EPN1: variants seen among roughly 807,000 people sequenced by gnomAD.
The protein encoded by EPN1 is epsin-1.
EPN1 carries 25 observed loss-of-function variants against 56.9 expected under a neutral mutation model. That is an observed-to-expected ratio of 0.44 (90% CI 0.32 to 0.61). The LOEUF is 0.61. EPN1 is among the 20% of genes least tolerant of loss of function. The pLI, the probability that EPN1 is intolerant of heterozygous loss-of-function variation, is 0.05. For missense variants in EPN1, 785 were observed against 823.7 expected (o/e 0.95, Z 0.58); for synonymous variants, 411 against 361.8 (o/e 1.14, Z -1.54).
rs1379023154 is a variant in EPN1, at chr19:55,695,451, A to AC, written c.*100dup. 3 of 672,336 alleles carry AC rather than the reference A, an allele frequency of 4.5e-6. No homozygotes were observed. Among genetic ancestry groups the AC allele is most frequent in the Admixed American group, 2.7e-5 (1 of 36,414 alleles). 41.6% of individuals were successfully genotyped at this position (672,336 alleles called of 1,614,324 possible). A position where few individuals can be genotyped will look rare whatever the true frequency, so the allele number is the denominator to read the frequency against. On this transcript the variant is annotated 3_prime_UTR_variant, in exon 11 of 11. Transcript: ENST00000270460. The surrounding 1 kb of genome is among the most constrained non-coding windows in gnomAD (Gnocchi z 4.4). ...AGTGCATGTGAAATGGGGGATCCCC[A>AC]CCCCCAGTGCCCTTCCCCTTCCTGG...
chr19:55,682,210 G>T (rs537462341), intron 2 of EPN1, among the ~76,000 whole-genome samples: 3 of 152,346 alleles, frequency 2.0e-5, no homozygotes, highest in South Asian at 4.1e-4. Context: ...GGACACCTGT[G>T]TAGCCTTCAC....
At chr19:55,687,067 T>C (rs866425225) in intron 3 of EPN1, among the ~76,000 whole-genome samples, 17 of 152,196 alleles carry the variant, frequency 1.1e-4, no homozygotes, top group African/African-American at 4.1e-4. Flanking sequence ...TCTCCGAAAT[T>C]TGAATTTTAT....
At chr19:55,688,143 C>G (rs1986288709) in intron 3 of EPN1, among the ~76,000 whole-genome samples, 1 of 152,146 alleles carries the variant, frequency 6.6e-6, no homozygotes, top group African/African-American at 2.4e-5. Flanking sequence ...GGCCTAGGGC[C>G]TGGTTGGAGC....
At position 55,702,944 on chromosome 19, in the gene EPN1, A is replaced by C. The variant is rs141554573; in HGVS notation, c.*7588A>C. On this transcript the variant is annotated 3_prime_UTR_variant, in exon 11 of 11. Transcript: ENST00000270460. ...CGAGTAGCTGGGACTACAGGCGCCC[A>C]CCACCACGCCCGGCTAAGCTAATTT... 1 of 151,466 alleles carries C rather than the reference A, an allele frequency of 6.6e-6. No homozygotes were observed. Among genetic ancestry groups the C allele is most frequent in the Non-Finnish European group, 1.5e-5 (1 of 67,912 alleles). 9.4% of individuals were successfully genotyped at this position (151,466 alleles called of 1,614,324 possible).
intron 3 of EPN1, among the ~76,000 whole-genome samples, chr19:55,686,155 C>A (rs1198113074): frequency 6.6e-6 from 1 of 152,196 alleles, no homozygotes; most frequent in Non-Finnish European, 1.5e-5. Flanking sequence ...AGGACTCAGT[C>A]TGGTGGGTGG....
intron 3 of EPN1, among the ~76,000 whole-genome samples, chr19:55,686,724 C>T (rs1005519187): frequency 1.3e-5 from 2 of 151,908 alleles, no homozygotes; most frequent in Non-Finnish European, 2.9e-5. Context: ...GGGAAGGAAG[C>T]CGGTGTGGCG....
Position 55,695,118 on chromosome 19 carries a change from C to CTCCG in EPN1, c.1523-28_1523-25dup, listed in dbSNP as rs1986835489. 9.3e-6 allele frequency: 15 copies of CTCCG among 1,613,104 alleles called. No homozygotes were observed. The highest frequency in any genetic ancestry group is 1.1e-5 in the Non-Finnish European group (13 of 1,179,466). On this transcript the variant is annotated intron_variant, in intron 10 of 10. Coordinates refer to ENST00000270460, the MANE Select transcript of EPN1 (RefSeq NM_001130072.2). This position sits in a 1 kb window ranked among gnomAD's most constrained non-coding sequence, Gnocchi z 4.4. Reference sequence around the variant, plus strand: ...CAGGTGGGCTGCGCCACTGACTCCACTCCGTGTCTCTGGTTTACTCTTCCT... The same window carrying CTCCG: ...CAGGTGGGCTGCGCCACTGACTCCACTCCGTCCGTGTCTCTGGTTTACTCTTCCT...
intron 2 of EPN1, among the ~76,000 whole-genome samples, chr19:55,683,421 G>A (rs1476061659): frequency 1.3e-5 from 2 of 152,022 alleles, no homozygotes; most frequent in Non-Finnish European, 2.9e-5. Context: ...GCGTGCTCTT[G>A]GCTCACTATC....
At chr19:55,692,427 G>A (rs1222277723) in intron 7 of EPN1, among the ~76,000 whole-genome samples, 2 of 152,050 alleles carry the variant, frequency 1.3e-5, no homozygotes, top group Non-Finnish European at 2.9e-5. Context: ...TGGCCGAGCC[G>A]TGGGAGCTGA....
At chr19:55,677,345 C>G (rs907990286) in intron 1 of EPN1, 2 of 723,870 alleles carry the variant, frequency 2.8e-6, no homozygotes, top group East Asian at 5.4e-5. Context: ...AAAACAGTGC[C>G]TGGCATGGGA....
At chr19:55,681,369 C>G (rs1053154131) in intron 2 of EPN1, among the ~76,000 whole-genome samples, 3 of 152,178 alleles carry the variant, frequency 2.0e-5, no homozygotes, top group African/African-American at 7.2e-5. Flanking sequence ...CTCTACCTCG[C>G]AGGAGGTGGT....
In EPN1 at chr19:55,707,702, C is replaced by T. The variant is rs1210044390; in HGVS notation, c.*12346C>T. The T allele has an allele frequency of 6.5e-6, 1 of 154,640 alleles. No individual in the cohort carries two copies. The highest frequency in any genetic ancestry group is 1.5e-5 in the Non-Finnish European group (1 of 68,230). 9.6% of individuals were successfully genotyped at this position (154,640 alleles called of 1,614,324 possible). A position where few individuals can be genotyped will look rare whatever the true frequency, so the allele number is the denominator to read the frequency against. Reference sequence around the variant, plus strand: ...TGTTCTTCCATAATATCTTTCCCATCTTGACTGAGCATCAAATGAGGCCCA... The same window carrying T: ...TGTTCTTCCATAATATCTTTCCCATTTTGACTGAGCATCAAATGAGGCCCA... On this transcript the variant is annotated 3_prime_UTR_variant, in exon 11 of 11. Transcript: ENST00000270460.
rs371724923 is a variant in EPN1, at chr19:55,694,754, G to A, written c.1293G>A (p.Val431=). Residue 431 remains valine, a synonymous_variant, in exon 10 of 11, where the codon GTG becomes GTA. Transcript: ENST00000270460. This position sits in a 1 kb window ranked among gnomAD's most constrained non-coding sequence, Gnocchi z 4.2. ...AGCTGGAGCTGCTGGCAGGAGAGGT[G>A]CCGGCCCGAAGCCCTGGGGCGTTTG... ...AGELELLAGE[V]PARSPGAFDM... The A allele has an allele frequency of 1.9e-6, 3 of 1,585,816 alleles. No individual in the cohort carries two copies. Among genetic ancestry groups the A allele is most frequent in the Non-Finnish European group, 2.6e-6 (3 of 1,163,702 alleles).
chr19:55,706,876 T>TA lies in EPN1; in HGVS notation c.*11526dup, dbSNP rs894538991. 5 of 151,794 alleles carry TA rather than the reference T, an allele frequency of 3.3e-5. No homozygotes were observed. Among genetic ancestry groups the TA allele is most frequent in the Admixed American group, 2.6e-4 (4 of 15,228 alleles). The allele number at this position is 151,794 out of a possible 1,614,324, so 9.4% of individuals were successfully genotyped here. On this transcript the variant is annotated 3_prime_UTR_variant, in exon 11 of 11. Coordinates refer to ENST00000270460, the MANE Select transcript of EPN1 (RefSeq NM_001130072.2). ...AAACATAGTGAGACCCCGTCTATAC[T>TA]AAAAAATATTTAAATGGGCTGAGCG... is the stretch of plus-strand genomic sequence containing the variant.
In EPN1 at chr19:55,709,106, T is replaced by A; in HGVS notation, c.*13750T>A. 1 of 1,184,654 alleles carries A rather than the reference T, an allele frequency of 8.4e-7. No individual in the cohort carries two copies. The highest frequency in any genetic ancestry group is 1.2e-6 in the Non-Finnish European group (1 of 853,388). 73.4% of individuals were successfully genotyped at this position (1,184,654 alleles called of 1,614,324 possible). ...TCATTTTTACACAGTATTGCCTCTCTACATTCTGATGTCTACCTCTCCTCT... is the reference window on the plus strand; with the variant it reads ...TCATTTTTACACAGTATTGCCTCTCAACATTCTGATGTCTACCTCTCCTCT... On this transcript the variant is annotated 3_prime_UTR_variant, in exon 11 of 11. Coordinates refer to ENST00000270460, the MANE Select transcript of EPN1 (RefSeq NM_001130072.2).
chr19:55,688,414 A>G (rs1009538356), intron 3 of EPN1, among the ~76,000 whole-genome samples: 3 of 152,012 alleles, frequency 2.0e-5, no homozygotes, highest in African/African-American at 4.8e-5. Context: ...CGCTGTCTCA[A>G]TGGATGCTGT....
chr19:55,685,363 G>A lies in EPN1; in HGVS notation c.229-33G>A, dbSNP rs73933307. 6,679 of 1,597,692 alleles carry A rather than the reference G, an allele frequency of 4.2e-3. 259 individuals are homozygous for A. In the African/African-American group the frequency reaches 0.077, roughly 18 times the overall value. ...GTCTCTGGCCCGCCTTGTGCCCGGC[G>A]TGCTGACCGGGCATCCCCGTGCCCG... On this transcript the variant is annotated intron_variant, in intron 2 of 10. Coordinates refer to ENST00000270460, the MANE Select transcript of EPN1 (RefSeq NM_001130072.2).
chr19:55,692,848 G>A lies in EPN1; in HGVS notation c.1177+52G>A, dbSNP rs1986658837. On this transcript the variant is annotated intron_variant, in intron 8 of 10. Transcript: ENST00000270460. ...CCCCGGGTGGGAGTGAGTGGGAGAA[G>A]TTAGTGTTGAGTGTCCTAAGGGAGG... 5 of 1,586,920 alleles carry A rather than the reference G, an allele frequency of 3.2e-6. No homozygotes were observed. In the East Asian group the frequency reaches 1.1e-4, roughly 36 times the overall value.
In EPN1 at chr19:55,689,994, C is replaced by A; in HGVS notation, c.762+44C>A. 6.6e-7 allele frequency: 1 copy of A among 1,524,452 alleles called. No homozygotes were observed. The highest frequency in any genetic ancestry group is 8.9e-7 in the Non-Finnish European group (1 of 1,123,742). The allele number at this position is 1,524,452 out of a possible 1,614,324, so 94.4% of individuals were successfully genotyped here. A position where few individuals can be genotyped will look rare whatever the true frequency, so the allele number is the denominator to read the frequency against. Reference sequence around the variant, plus strand: ...GCCCTCCCTGGCCCCTGCAGGTGTCCGTCCGTCCCATCGCTCATTCCTGCG... The same window carrying A: ...GCCCTCCCTGGCCCCTGCAGGTGTCAGTCCGTCCCATCGCTCATTCCTGCG... On this transcript the variant is annotated intron_variant, in intron 6 of 10. Coordinates refer to ENST00000270460, the MANE Select transcript of EPN1 (RefSeq NM_001130072.2). The surrounding 1 kb of genome is among the most constrained non-coding windows in gnomAD (Gnocchi z 5.7).
Sources: allele counts gnomAD v4.1 joint callset (sites outside exome capture counted in the v4.1 genomes callset), GRCh38; gene constraint gnomAD v4.1.1; non-coding constraint Gnocchi (gnomAD v3.1); transcripts MANE v1.5; gene names NCBI Gene and HGNC (gene_info 2026-07-23, HGNC 2026-07-21).